The following ANKFN1 variants were observed in gnomAD, a reference collection of about 807,000 sequenced individuals.
ANKFN1 encodes the protein ankyrin repeat and fibronectin type-III domain-containing protein 1.
Under a neutral mutation model 108.7 loss-of-function variants are expected in ANKFN1, and 74 were observed. The ratio of observed to expected loss-of-function variants is 0.68; its 90% CI spans 0.56 to 0.83. ANKFN1 has a LOEUF of 0.83. ANKFN1 is among the 40% of genes least tolerant of loss of function. The probability of loss-of-function intolerance (pLI) is 0.00; values close to 1 mark genes in which losing one functional copy is unlikely to be tolerated. For synonymous variants in ANKFN1, 547 were observed against 516.2 expected (o/e 1.06, Z -0.81); for missense variants, 1,505 against 1,382.3 (o/e 1.09, Z -1.41).
At chr17:56,058,228 C>A (rs1250180524) in intron 4 of ANKFN1, among the ~76,000 whole-genome samples, 1 of 152,220 alleles carries the variant, frequency 6.6e-6, no homozygotes, top group Non-Finnish European at 1.5e-5. Context: ...GCATTGACTT[C>A]TCCTCTCTAA....
chr17:56,408,349 G>C (rs2047984933), intron 8 of ANKFN1, among the ~76,000 whole-genome samples: 1 of 152,134 alleles, frequency 6.6e-6, no homozygotes, highest in Non-Finnish European at 1.5e-5. Context: ...GTGAGTGTTT[G>C]TTAACCATAT....
chr17:56,161,079 T>C (rs1338897903), intron 1 of ANKFN1, among the ~76,000 whole-genome samples: 1 of 152,228 alleles, frequency 6.6e-6, no homozygotes, highest in Non-Finnish European at 1.5e-5. Context: ...TTAAGAACTA[T>C]AAAGGTTGCT....
intron 4 of ANKFN1, among the ~76,000 whole-genome samples, chr17:56,054,161 G>A (rs909696027): frequency 7.2e-5 from 11 of 152,206 alleles, no homozygotes; most frequent in Non-Finnish European, 7.3e-5. Context: ...AAAACAGTAT[G>A]GAGATTCCTC....
intron 4 of ANKFN1, among the ~76,000 whole-genome samples, chr17:56,094,675 GT>G (rs537728223): frequency 0.13 from 9,384 of 75,008 alleles, 576 homozygotes; most frequent in Admixed American, 0.29. Context: ...AGCTAATTGG[GT>G]TTTTTTTTTT....
At chr17:56,344,685 A>G (rs2046050211) in intron 4 of ANKFN1, among the ~76,000 whole-genome samples, 1 of 152,032 alleles carries the variant, frequency 6.6e-6, no homozygotes. Flanking sequence ...ACAACAGAAA[A>G]AAAGGCTATT....
At chr17:56,217,470 G>A (rs1453377454) in intron 2 of ANKFN1, among the ~76,000 whole-genome samples, 3 of 152,160 alleles carry the variant, frequency 2.0e-5, no homozygotes, top group Non-Finnish European at 4.4e-5. Flanking sequence ...AGGAGGAAGG[G>A]CCCAGCAATT....
intron 11 of ANKFN1, among the ~76,000 whole-genome samples, 192 bp downstream of exon 11, chr17:56,449,378 T>G (rs749154759): frequency 1.1e-4 from 17 of 151,988 alleles, no homozygotes; most frequent in Non-Finnish European, 2.4e-4. Context: ...CTTCGCTCAC[T>G]TCCTTTCCCT....
At chr17:56,227,097 T>A (rs1260620601) in intron 2 of ANKFN1, among the ~76,000 whole-genome samples, 1 of 152,176 alleles carries the variant, frequency 6.6e-6, no homozygotes, top group Non-Finnish European at 1.5e-5. Context: ...GTCTTAGAGA[T>A]GATCTGGAAT....
At chr17:56,321,914 T>C (rs2045378958) in intron 3 of ANKFN1, among the ~76,000 whole-genome samples, 1 of 152,160 alleles carries the variant, frequency 6.6e-6, no homozygotes, top group Non-Finnish European at 1.5e-5. Flanking sequence ...TCCAATGAGC[T>C]AAACAACTGT....
Position 56,353,934 on chromosome 17 carries a change from C to T in ANKFN1, c.489C>T (p.Asp163=). The T allele has an allele frequency of 6.2e-7, 1 of 1,614,014 alleles. No homozygotes were observed. Among genetic ancestry groups the T allele is most frequent in the Non-Finnish European group, 8.5e-7 (1 of 1,179,984 alleles). The change falls in exon 6 of 21, where the codon GAC becomes GAT. Residue 163 remains aspartate, a synonymous_variant. Transcript: ENST00000682825. ...LLYQYTPEEL[D]LNTPNSEGLT... Reference sequence around the variant, plus strand: ...ATCAGTACACACCAGAAGAACTTGACCTCAACACACCTAACAGCGAGGGCT... The same window carrying T: ...ATCAGTACACACCAGAAGAACTTGATCTCAACACACCTAACAGCGAGGGCT...
intron 6 of ANKFN1, among the ~76,000 whole-genome samples, chr17:56,361,199 C>T (rs1278020740): frequency 2.0e-5 from 3 of 151,912 alleles, no homozygotes; most frequent in Non-Finnish European, 4.4e-5. Context: ...ATACATGCAA[C>T]ATAGAATATC....
chr17:56,496,641 A>C (rs1380970327), intron 19 of ANKFN1, among the ~76,000 whole-genome samples: 1 of 152,028 alleles, frequency 6.6e-6, no homozygotes, highest in Non-Finnish European at 1.5e-5. Context: ...TCTTATAAGA[A>C]TGTCCTTATG....
chr17:56,189,864 A>G (rs1236521217), intron 1 of ANKFN1, among the ~76,000 whole-genome samples: 1 of 152,160 alleles, frequency 6.6e-6, no homozygotes, highest in African/African-American at 2.4e-5. Context: ...TTTCAATGGA[A>G]CAAAATAGAG....
intron 3 of ANKFN1, among the ~76,000 whole-genome samples, chr17:56,236,600 T>C (rs1917173727): frequency 6.6e-6 from 1 of 152,154 alleles, no homozygotes. Flanking sequence ...GCCAAGACTA[T>C]GGGGTTTTCT....
intron 8 of ANKFN1, among the ~76,000 whole-genome samples, chr17:56,394,177 C>A (rs754044883): frequency 1.3e-5 from 2 of 152,190 alleles, no homozygotes; most frequent in Non-Finnish European, 2.9e-5. Flanking sequence ...GTGAGCCTCA[C>A]CTCAAATCAT....
chr17:56,422,339 A>G (rs201466793), intron 8 of ANKFN1, among the ~76,000 whole-genome samples: 1 of 43,596 alleles, frequency 2.3e-5, no homozygotes, highest in Non-Finnish European at 4.7e-5. Flanking sequence ...GTGGTTTTAT[A>G]CCAAATATTT....
chr17:56,189,025 T>C (rs1912581236), intron 1 of ANKFN1, among the ~76,000 whole-genome samples: 1 of 152,010 alleles, frequency 6.6e-6, no homozygotes, highest in Admixed American at 6.6e-5. Flanking sequence ...ATAGGGGTAC[T>C]GGGAGGGTGG....
chr17:56,508,260 A>G (rs1358064623), intron 20 of ANKFN1, among the ~76,000 whole-genome samples: 1 of 152,220 alleles, frequency 6.6e-6, no homozygotes, highest in Non-Finnish European at 1.5e-5. Context: ...CAATTCTTCA[A>G]AATTCTTTGA....
chr17:56,178,418 C>G (rs1203750527), intron 1 of ANKFN1, among the ~76,000 whole-genome samples: 1 of 152,136 alleles, frequency 6.6e-6, no homozygotes. Flanking sequence ...ACATTTTAGC[C>G]TGTGGATTCC....
Sources: allele counts gnomAD v4.1 joint callset (sites outside exome capture counted in the v4.1 genomes callset), GRCh38; gene constraint gnomAD v4.1.1; transcripts MANE v1.5; gene names NCBI Gene and HGNC (gene_info 2026-07-23, HGNC 2026-07-21).